Variants in GALNT17 observed in about 807,000 individuals in gnomAD.
GALNT17 encodes the protein polypeptide N-acetylgalactosaminyltransferase 17, also known as UDP-GalNAc:polypeptide N-acetylgalactosaminyltransferase-like 3.
A neutral mutation model predicts 63.7 loss-of-function variants in GALNT17; 29 were observed. The ratio of observed to expected loss-of-function variants is 0.46; its 90% CI spans 0.34 to 0.62. GALNT17 has a LOEUF of 0.62. GALNT17 is among the 20% of genes least tolerant of loss of function. The pLI, the probability that GALNT17 is intolerant of heterozygous loss-of-function variation, is 0.01. For missense variants in GALNT17, 603 were observed against 799.6 expected (o/e 0.75, Z 2.97); for synonymous variants, 305 against 318.3 (o/e 0.96, Z 0.45).
At chr7:71,397,406 C>G (rs1230940967) in intron 3 of GALNT17, among the ~76,000 whole-genome samples, 1 of 152,034 alleles carries the variant, frequency 6.6e-6, no homozygotes, top group Non-Finnish European at 1.5e-5. Flanking sequence ...TCCTCAGGAG[C>G]AGGTCAAAGC....
chr7:71,311,943 T>C (rs1368558616), intron 1 of GALNT17, among the ~76,000 whole-genome samples: 1 of 152,166 alleles, frequency 6.6e-6, no homozygotes. Flanking sequence ...GATTGAAGAC[T>C]GGTTGAAACA....
intron 6 of GALNT17, among the ~76,000 whole-genome samples, chr7:71,632,713 G>T (rs752343101): frequency 1.1e-4 from 16 of 152,198 alleles, no homozygotes; most frequent in Non-Finnish European, 1.9e-4. Flanking sequence ...GGGGAGGATT[G>T]TGAGCCCGGG....
intron 5 of GALNT17, among the ~76,000 whole-genome samples, chr7:71,435,709 C>T (rs918874695): frequency 5.3e-5 from 8 of 152,072 alleles, no homozygotes; most frequent in African/African-American, 1.7e-4. Flanking sequence ...CTTCCCCCAC[C>T]GAAGTTGCTC....
In GALNT17 at chr7:71,557,746, G is replaced by A. The variant is rs150561422; in HGVS notation, c.963-13539G>A. Reference sequence around the variant, plus strand: ...ATGAAAGTTGCAGTGAACCGAGATCGCGCCACTGCACTCCAGCCTGGGTGA... The same window carrying A: ...ATGAAAGTTGCAGTGAACCGAGATCACGCCACTGCACTCCAGCCTGGGTGA... On this transcript the variant is annotated intron_variant, in intron 5 of 10. Transcript: ENST00000333538. Among the ~76,000 whole-genome samples the A allele has an allele frequency of 2.7e-3, 404 of 151,446 alleles. 13 individuals are homozygous for A. The South Asian group carries it at 0.042, about 16-fold the overall frequency.
intron 6 of GALNT17, among the ~76,000 whole-genome samples, chr7:71,599,009 G>A (rs890201464): frequency 2.6e-5 from 4 of 152,092 alleles, no homozygotes; most frequent in African/African-American, 9.7e-5. Context: ...GGGCCTCAAG[G>A]TCTGGAAAGA....
intron 1 of GALNT17, among the ~76,000 whole-genome samples, chr7:71,304,715 C>T (rs1791258649): frequency 6.6e-6 from 1 of 151,822 alleles, no homozygotes; most frequent in Non-Finnish European, 1.5e-5. Flanking sequence ...AGTGAGAACC[C>T]ATTGCCAGTT....
At chr7:71,654,832 A>C (rs1215371454) in intron 6 of GALNT17, among the ~76,000 whole-genome samples, 1 of 152,062 alleles carries the variant, frequency 6.6e-6, no homozygotes, top group African/African-American at 2.4e-5. Context: ...CTTGTCGCCC[A>C]GACTAGAAAG....
intron 9 of GALNT17, among the ~76,000 whole-genome samples, chr7:71,699,386 G>A (rs1791595436): frequency 6.6e-6 from 1 of 150,494 alleles, no homozygotes; most frequent in Non-Finnish European, 1.5e-5. Flanking sequence ...TGAGGCAGGA[G>A]AATCGCTTGA....
chr7:71,158,890 G>A (rs1237686100), intron 1 of GALNT17, among the ~76,000 whole-genome samples: 1 of 151,814 alleles, frequency 6.6e-6, no homozygotes, highest in African/African-American at 2.4e-5. Flanking sequence ...TGTATTTTTA[G>A]TAGAGACGTG....
At chr7:71,396,614 C>T (rs1793144127) in intron 3 of GALNT17, among the ~76,000 whole-genome samples, 1 of 152,058 alleles carries the variant, frequency 6.6e-6, no homozygotes, top group Non-Finnish European at 1.5e-5. Context: ...CTTGCATTTA[C>T]ATATTAATTT....
At chr7:71,494,723 A>G (rs898965679) in intron 5 of GALNT17, among the ~76,000 whole-genome samples, 3 of 152,164 alleles carry the variant, frequency 2.0e-5, no homozygotes, top group African/African-American at 7.2e-5. Context: ...TAATAAAGAC[A>G]TACCTGAGAC....
chr7:71,511,200 G>A (rs961460688), intron 5 of GALNT17, among the ~76,000 whole-genome samples: 3 of 151,946 alleles, frequency 2.0e-5, no homozygotes, highest in Non-Finnish European at 4.4e-5. Flanking sequence ...GAGAGAGATG[G>A]ACCCAGCTTA....
At chr7:71,374,198 G>A (rs1179463217) in intron 2 of GALNT17, among the ~76,000 whole-genome samples, 1 of 152,162 alleles carries the variant, frequency 6.6e-6, no homozygotes, top group Non-Finnish European at 1.5e-5. Context: ...CTTTTCAGAA[G>A]CAGGAGCTTT....
rs996436535 is a variant in GALNT17 at position 71,292,264 on chromosome 7, G to A, written c.239-43286G>A. Among the ~76,000 whole-genome samples, 83 of 152,122 alleles carry A rather than the reference G, an allele frequency of 5.5e-4. 1 individual carries two copies. The highest frequency in any genetic ancestry group is 5.9e-5 in the Non-Finnish European group (4 of 68,036). ...TGGGTTGCACCACAGGTAGGCAAGTGACAGAAAAACAAGAATACATAGGTT... is the reference window on the plus strand; with the variant it reads ...TGGGTTGCACCACAGGTAGGCAAGTAACAGAAAAACAAGAATACATAGGTT... On this transcript the variant is annotated intron_variant, in intron 1 of 10. Transcript: ENST00000333538.
At chr7:71,400,357 A>G (rs1372272806) in intron 3 of GALNT17, among the ~76,000 whole-genome samples, 1 of 152,134 alleles carries the variant, frequency 6.6e-6, no homozygotes, top group African/African-American at 2.4e-5. Context: ...ATAGTATTCC[A>G]TGGTGTATAT....
At chr7:71,458,689 G>C (rs1219363836) in intron 5 of GALNT17, among the ~76,000 whole-genome samples, 1 of 152,148 alleles carries the variant, frequency 6.6e-6, no homozygotes, top group Non-Finnish European at 1.5e-5. Context: ...TGGGAACGTG[G>C]AAAGGTGATG....
At chr7:71,163,122 G>A (rs1788378034) in intron 1 of GALNT17, among the ~76,000 whole-genome samples, 1 of 152,166 alleles carries the variant, frequency 6.6e-6, no homozygotes, top group African/African-American at 2.4e-5. Context: ...ATGGATATGA[G>A]GTATAAGAGA....
At chr7:71,693,319 T>TATATATATATATATATATAG (rs1791490481) in intron 9 of GALNT17, among the ~76,000 whole-genome samples, 2 of 144,568 alleles carry the variant, frequency 1.4e-5, no homozygotes, top group African/African-American at 5.2e-5. Flanking sequence ...CATATATATA[T>TATATATATATATATATATAG]ATGGAGACAA....
chr7:71,227,604 A>T (rs1251889273), intron 1 of GALNT17, among the ~76,000 whole-genome samples: 1 of 152,010 alleles, frequency 6.6e-6, no homozygotes, highest in East Asian at 1.9e-4. Flanking sequence ...CCCTTGCTAG[A>T]TGGCTTAATT....
Sources: allele counts gnomAD v4.1 joint callset (sites outside exome capture counted in the v4.1 genomes callset), GRCh38; gene constraint gnomAD v4.1.1; transcripts MANE v1.5; gene names NCBI Gene and HGNC (gene_info 2026-07-23, HGNC 2026-07-21).